The following COL4A6 variants were observed in gnomAD, a reference collection of about 807,000 sequenced individuals.
The protein encoded by COL4A6 is collagen alpha-6(IV) chain.
Under a neutral mutation model 126.7 loss-of-function variants are expected in COL4A6, and 59 were observed. That is an observed-to-expected ratio of 0.47 (90% confidence interval 0.38 to 0.58). COL4A6 has a LOEUF of 0.58. COL4A6 is among the 20% of genes least tolerant of loss of function. The pLI is 0.00. For missense variants in COL4A6, 1,285 were observed against 1,337.3 expected, an observed-to-expected ratio of 0.96 and a Z score of 0.61; for synonymous variants, 547 against 496.6, an observed-to-expected ratio of 1.10 and a Z score of -1.35.
At chrX:108,379,140 T>C (rs1387639214) in intron 2 of COL4A6, among the ~76,000 whole-genome samples, 1 of 112,609 alleles carries the variant, frequency 8.9e-6, no homozygotes, top group Admixed American at 9.4e-5. Context: ...TGTTAAAGGA[T>C]GTGTTAGGTA....
chrX:108,192,482 C>T lies in COL4A6; in HGVS notation c.1171G>A (p.Ala391Thr). 6 of 1,205,143 alleles carry T rather than the reference C, an allele frequency of 5.0e-6. No homozygotes were observed. The highest frequency in any genetic ancestry group is 3.0e-5 in the East Asian group (1 of 33,770). Residue 391 changes from alanine to threonine, a missense_variant, in exon 18 of 45, where the codon GCA becomes ACA. Ala to Thr is a moderately conservative substitution (Grantham distance 58, BLOSUM62 0). Transcript: ENST00000334504. ...RGPSGVPGLP[A>T]LSGVPGALGP... ...GGTTAGTTTTTTTCACCTGATAATGCTGGCAATCCAGGGACACCAGAAGGG... is the reference window on the plus strand; with the variant it reads ...GGTTAGTTTTTTTCACCTGATAATGTTGGCAATCCAGGGACACCAGAAGGG...
chrX:108,428,714 G>A (rs1294028639), intron 2 of COL4A6, among the ~76,000 whole-genome samples: 3 of 111,082 alleles, frequency 2.7e-5, no homozygotes, highest in Non-Finnish European at 5.7e-5. Flanking sequence ...GGTTCAGGAA[G>A]GTAGAGGAAA....
intron 2 of COL4A6, among the ~76,000 whole-genome samples, chrX:108,402,945 TA>T (rs1351305593): frequency 6.3e-5 from 7 of 111,607 alleles, no homozygotes; most frequent in Non-Finnish European, 1.3e-4. Flanking sequence ...AAACATTTAC[TA>T]TATCAAGCTT....
At chrX:108,265,912 G>T in intron 3 of COL4A6, among the ~76,000 whole-genome samples, 1 of 110,137 alleles carries the variant, frequency 9.1e-6, no homozygotes, top group Non-Finnish European at 1.9e-5. Flanking sequence ...AAATGCAGAT[G>T]ACATACATAA....
chrX:108,257,558 G>C (rs1274903527), intron 3 of COL4A6, among the ~76,000 whole-genome samples: 1 of 111,373 alleles, frequency 9.0e-6, no homozygotes, highest in Non-Finnish European at 1.9e-5. Flanking sequence ...TGGCCTGGCT[G>C]AAACTTTCTT....
At chrX:108,330,427 G>C (rs1386232314) in intron 2 of COL4A6, among the ~76,000 whole-genome samples, 1 of 111,818 alleles carries the variant, frequency 8.9e-6, no homozygotes, top group Non-Finnish European at 1.9e-5. Context: ...AATGACTTCA[G>C]TGCAGGGAGT....
chrX:108,183,083 G>A (rs1462560651), intron 23 of COL4A6, among the ~76,000 whole-genome samples: 2 of 112,216 alleles, frequency 1.8e-5, no homozygotes, highest in African/African-American at 3.2e-5. Flanking sequence ...GTAAGCAGAG[G>A]TTCAAAATGG....
chrX:108,202,190 C>A (rs1481454904), intron 13 of COL4A6, among the ~76,000 whole-genome samples: 3 of 111,783 alleles, frequency 2.7e-5, no homozygotes, highest in African/African-American at 9.7e-5. Context: ...CCCAAGTAGA[C>A]CACCCTGTTC....
intron 2 of COL4A6, among the ~76,000 whole-genome samples, chrX:108,391,432 A>G (rs2040837112): frequency 9.0e-6 from 1 of 111,104 alleles, no homozygotes; most frequent in African/African-American, 3.3e-5. Flanking sequence ...GGCCTTGCTG[A>G]GCTGTGGTGG....
intron 2 of COL4A6, 149 bp from the exon 3 acceptor site, chrX:108,310,977 C>G (rs894837238): frequency 2.1e-6 from 1 of 468,650 alleles, no homozygotes; most frequent in Admixed American, 3.8e-5. Context: ...GAAATAAAAA[C>G]TAAACTTAAG....
At chrX:108,275,168 T>C (rs1318961076) in intron 3 of COL4A6, among the ~76,000 whole-genome samples, 1 of 111,459 alleles carries the variant, frequency 9.0e-6, no homozygotes, top group Non-Finnish European at 1.9e-5. Context: ...CTTGTATTAC[T>C]TGGGAGGAAA....
At chrX:108,278,259 A>T (rs979519137) in intron 3 of COL4A6, among the ~76,000 whole-genome samples, 8 of 111,824 alleles carry the variant, frequency 7.2e-5, no homozygotes, top group African/African-American at 2.0e-4. Flanking sequence ...ATTTAGACGA[A>T]AGTATAACTA....
intron 14 of COL4A6, 140 bp from the exon 15 acceptor site, chrX:108,195,266 G>T: frequency 8.1e-6 from 3 of 370,540 alleles, no homozygotes; most frequent in Admixed American, 4.5e-5. Context: ...CCTAGACCTA[G>T]CTTAACGACT....
chrX:108,410,749 A>G (rs1427266718), intron 2 of COL4A6, among the ~76,000 whole-genome samples: 2 of 111,584 alleles, frequency 1.8e-5, no homozygotes, highest in African/African-American at 6.5e-5. Context: ...GTACCCAAAG[A>G]CTTGCTTTAT....
At chrX:108,252,211 T>C (rs77593595) in intron 3 of COL4A6, among the ~76,000 whole-genome samples, 1 of 110,927 alleles carries the variant, frequency 9.0e-6, no homozygotes, top group South Asian at 3.8e-4. Flanking sequence ...TTAGATTCCA[T>C]ATATGAGTGA....
At chrX:108,227,305 G>A (rs2036196239) in intron 3 of COL4A6, among the ~76,000 whole-genome samples, 1 of 111,964 alleles carries the variant, frequency 8.9e-6, no homozygotes, top group Admixed American at 9.5e-5. Context: ...TATCTTGTTT[G>A]GAAGTCTAAA....
intron 3 of COL4A6, among the ~76,000 whole-genome samples, chrX:108,278,434 T>C (rs1325574201): frequency 9.1e-6 from 1 of 109,893 alleles, no homozygotes; most frequent in Non-Finnish European, 1.9e-5. Flanking sequence ...AGAAGGGAAG[T>C]TTAGAGAAAA....
At chrX:108,384,415 G>C (rs2148145523) in intron 2 of COL4A6, among the ~76,000 whole-genome samples, 1 of 112,584 alleles carries the variant, frequency 8.9e-6, no homozygotes, top group Non-Finnish European at 1.9e-5. Flanking sequence ...TCAAGAAACA[G>C]GCAAATATGA....
At chrX:108,227,207 C>T (rs2036192755) in intron 3 of COL4A6, among the ~76,000 whole-genome samples, 1 of 112,134 alleles carries the variant, frequency 8.9e-6, no homozygotes, top group South Asian at 3.8e-4. Flanking sequence ...CAGCACTATG[C>T]CTGGTACACA....
Sources: allele counts gnomAD v4.1 joint callset (sites outside exome capture counted in the v4.1 genomes callset), GRCh38; gene constraint gnomAD v4.1.1; transcripts MANE v1.5; gene names NCBI Gene and HGNC (gene_info 2026-07-23, HGNC 2026-07-21).